PREX1: variants seen among roughly 807,000 people sequenced by gnomAD.
The protein encoded by PREX1 is phosphatidylinositol-3,4,5-trisphosphate dependent Rac exchange factor 1.
PREX1 carries 41 observed loss-of-function variants against 198.3 expected under a neutral mutation model. That is an observed-to-expected ratio of 0.21 (90% CI 0.16 to 0.27). PREX1 has a LOEUF of 0.27. Among genes scored for constraint, PREX1 ranks in the 10% least tolerant of loss-of-function variants. The pLI, the probability that PREX1 is intolerant of heterozygous loss-of-function variation, is 1.00. For synonymous variants in PREX1, 843 were observed against 887.2 expected (o/e 0.95, Z 0.89); for missense variants, 1,620 against 2,200.7 (o/e 0.74, Z 5.28).
intron 1 of PREX1, among the ~76,000 whole-genome samples, chr20:48,748,426 T>C (rs1306861707): frequency 6.6e-6 from 1 of 151,974 alleles, no homozygotes; most frequent in East Asian, 1.9e-4. Flanking sequence ...TCTTGGGTAT[T>C]CTTCCAAAAA....
chr20:48,777,126 G>A (rs983405531), intron 1 of PREX1, among the ~76,000 whole-genome samples: 24 of 152,106 alleles, frequency 1.6e-4, no homozygotes, highest in African/African-American at 5.8e-4. Flanking sequence ...GAGCAACGGG[G>A]AAGTGAGGTA....
At chr20:48,858,509 C>A in the PREX1 span, among the ~76,000 whole-genome samples, 1 of 152,176 alleles carries the variant, frequency 6.6e-6, no homozygotes, top group Non-Finnish European at 1.5e-5. Context: ...CTTTCAGGAG[C>A]GAATCAGTCT....
chr20:48,725,370 C>T (rs932424), intron 5 of PREX1, among the ~76,000 whole-genome samples: 49,335 of 152,094 alleles, frequency 0.32, 8,325 homozygotes, highest in Middle Eastern at 0.43. Context: ...CAGTGGAAGG[C>T]GGAAGAGCCG....
At chr20:48,781,690 C>A (rs1263875069) in intron 1 of PREX1, among the ~76,000 whole-genome samples, 1 of 152,180 alleles carries the variant, frequency 6.6e-6, no homozygotes, top group African/African-American at 2.4e-5. Flanking sequence ...GGCCCTGCCA[C>A]AAACTCACTG....
intron 13 of PREX1, among the ~76,000 whole-genome samples, chr20:48,678,105 G>A (rs1159962792): frequency 2.6e-5 from 4 of 152,150 alleles, no homozygotes; most frequent in Non-Finnish European, 4.4e-5. Context: ...CTTGAAGTCA[G>A]GAGTTCGAGC....
At chr20:48,737,215 C>CA (rs140010281) in intron 3 of PREX1, among the ~76,000 whole-genome samples, 2,686 of 35,282 alleles carry the variant, frequency 0.076, 736 homozygotes, top group African/African-American at 0.25. Flanking sequence ...GTTTTGACAG[C>CA]AAAAAAAAAA....
At chr20:48,847,727 C>T in the PREX1 span, among the ~76,000 whole-genome samples, 3 of 152,178 alleles carry the variant, frequency 2.0e-5, no homozygotes, top group Non-Finnish European at 4.4e-5. Flanking sequence ...TGTCTACACC[C>T]GTGTGTACAC....
At chr20:48,790,453 G>A (rs527836278) in intron 1 of PREX1, among the ~76,000 whole-genome samples, 9 of 151,984 alleles carry the variant, frequency 5.9e-5, no homozygotes, top group Non-Finnish European at 8.8e-5. Flanking sequence ...GTGGAGGGCT[G>A]CAAGGTAATT....
intron 4 of PREX1, among the ~76,000 whole-genome samples, chr20:48,728,444 A>G (rs2090019179): frequency 6.6e-6 from 1 of 152,254 alleles, no homozygotes. Flanking sequence ...AGGGATCACA[A>G]TAAGCTCTGC....
At chr20:48,680,117 T>C (rs572563755) in intron 11 of PREX1, among the ~76,000 whole-genome samples, 1 of 152,264 alleles carries the variant, frequency 6.6e-6, no homozygotes, top group East Asian at 1.9e-4. Context: ...CACCAATGGA[T>C]GGGTGGGGAC....
In PREX1 at chr20:48,651,757, T is replaced by C. The variant is rs551463658; in HGVS notation, c.2468-174A>G. ...GCGAGTGGGGAAGTGATGGAAGGTGTTGGAGAGCCAGTCTGGACAAGGTCA... is the reference window on the plus strand; with the variant it reads ...GCGAGTGGGGAAGTGATGGAAGGTGCTGGAGAGCCAGTCTGGACAAGGTCA... On this transcript the variant is annotated intron_variant, in intron 21 of 39. Transcript: ENST00000371941. 2.6e-5 allele frequency among the ~76,000 whole-genome samples: 4 copies of C among 152,236 alleles called. No individual in the cohort carries two copies. In the East Asian group the frequency reaches 7.7e-4, roughly 29 times the overall value.
At chr20:48,638,782 G>A (rs902322777) in intron 30 of PREX1, among the ~76,000 whole-genome samples, 1 of 152,312 alleles carries the variant, frequency 6.6e-6, no homozygotes, top group South Asian at 2.1e-4. Flanking sequence ...GACCACACGG[G>A]AAGGAGGCAG....
At chr20:48,877,541 C>A in the PREX1 span, among the ~76,000 whole-genome samples, 8 of 152,324 alleles carry the variant, frequency 5.3e-5, no homozygotes, top group Admixed American at 4.6e-4. Context: ...CTTAAACTGG[C>A]TCTAGCTGGA....
intron 15 of PREX1, among the ~76,000 whole-genome samples, chr20:48,664,655 A>G (rs954178092): frequency 1.5e-4 from 23 of 152,238 alleles, no homozygotes; most frequent in African/African-American, 5.5e-4. Context: ...ATCCCCCAGG[A>G]CCTTCAAGGG....
intron 20 of PREX1, among the ~76,000 whole-genome samples, chr20:48,653,092 GC>G (rs1442930766): frequency 6.6e-6 from 1 of 152,186 alleles, no homozygotes; most frequent in African/African-American, 2.4e-5. Flanking sequence ...TGCCCAACAT[GC>G]CTATGTGGTG....
intron 17 of PREX1, 103 bp from the exon 18 acceptor site, chr20:48,657,291 A>G (rs1310530165): frequency 4.3e-6 from 6 of 1,387,654 alleles, no homozygotes; most frequent in Middle Eastern, 1.8e-4. Flanking sequence ...TGCTGGCCCA[A>G]GGGATCCAGC....
intron 18 of PREX1, among the ~76,000 whole-genome samples, chr20:48,656,315 C>T (rs984618248): frequency 1.3e-5 from 2 of 152,110 alleles, no homozygotes; most frequent in African/African-American, 4.8e-5. Context: ...CTCCTCAGCT[C>T]CCCCGAGAGC....
chr20:48,656,430 AC>A (rs1043906685), intron 18 of PREX1: 2 of 455,432 alleles, frequency 4.4e-6, no homozygotes, highest in African/African-American at 4.0e-5. Flanking sequence ...CCAGGGCTGG[AC>A]CCCGTTACCC....
At chr20:48,852,812 A>G in the PREX1 span, among the ~76,000 whole-genome samples, 1 of 152,258 alleles carries the variant, frequency 6.6e-6, no homozygotes, top group African/African-American at 2.4e-5. Context: ...CATCTCAGAA[A>G]GGAGGAGCAT....
Sources: gnomAD v4.1 joint callset for allele counts (sites outside exome capture counted in the v4.1 genomes callset) on GRCh38, gnomAD v4.1.1 for gene constraint, MANE v1.5 for transcripts, NCBI Gene and HGNC (gene_info 2026-07-23, HGNC 2026-07-21) for gene names.